The following DPP6 variants were observed in gnomAD, a reference collection of about 807,000 sequenced individuals.
The protein encoded by DPP6 is A-type potassium channel modulatory protein DPP6.
In DPP6, 69 loss-of-function variants were observed where a neutral mutation model predicts 122.6. The ratio of observed to expected loss-of-function variants is 0.56; its 90% CI spans 0.46 to 0.69. The LOEUF (loss-of-function observed/expected upper bound fraction) is 0.69. Among genes scored for constraint, DPP6 ranks in the 30% least tolerant of loss-of-function variants. The probability of loss-of-function intolerance (pLI) is 0.00; values close to 1 mark genes in which losing one functional copy is unlikely to be tolerated. For missense variants in DPP6, 928 were observed against 1,116.9 expected, an observed-to-expected ratio of 0.83 and a Z score of 2.41; for synonymous variants, 418 against 433.1, an observed-to-expected ratio of 0.97 and a Z score of 0.43.
intron 1 of DPP6, among the ~76,000 whole-genome samples, chr7:154,139,731 C>T (rs1334637183): frequency 2.6e-5 from 4 of 152,006 alleles, no homozygotes; most frequent in Admixed American, 6.6e-5. Flanking sequence ...TTTACCCCAT[C>T]AGTTGTACCA....
intron 1 of DPP6, among the ~76,000 whole-genome samples, chr7:154,319,336 G>A (rs4726405): frequency 0.57 from 87,187 of 152,028 alleles, 25,501 homozygotes; most frequent in South Asian, 0.66. Flanking sequence ...CATAATTTCA[G>A]TGTCTAGAAT....
rs1279945736 is a variant in DPP6, at chr7:154,663,164, C to T, written c.681-6196C>T. On this transcript the variant is annotated intron_variant, in intron 6 of 25. Coordinates refer to ENST00000377770, the MANE Select transcript of DPP6 (RefSeq NM_130797.4). ...ACGCAGTCATGGTGAATCACCATGG[C>T]GTATTGGCGGTAGTGTTCATATAGT... Among the ~76,000 whole-genome samples the T allele has an allele frequency of 1.2e-4, 9 of 74,024 alleles. 3 individuals carry two copies. The highest frequency in any genetic ancestry group is 3.2e-4 in the African/African-American group (9 of 27,900). The allele number at this position is 74,024 out of a possible 152,430, so 48.6% of individuals were successfully genotyped here.
Position 154,872,612 on chromosome 7 carries a change from G to C in DPP6, c.1814-12G>C, listed in dbSNP as rs773901461. On this transcript the variant is annotated splice_polypyrimidine_tract_variant and intron_variant, in intron 18 of 25. Coordinates refer to ENST00000377770, the MANE Select transcript of DPP6 (RefSeq NM_130797.4). ...TGCCCCCTAACCCGTGCTGTGCTCT[G>C]CTTCTCCCCAGACCTGCCCATGCAG... The C allele has an allele frequency of 1.5e-5, 24 of 1,593,642 alleles. No individual in the cohort carries two copies. The highest frequency in any genetic ancestry group is 2.0e-5 in the Non-Finnish European group (23 of 1,170,428).
chr7:154,790,779 C>T lies in DPP6; in HGVS notation c.1137-3300C>T, dbSNP rs911897493. 2.6e-4 allele frequency among the ~76,000 whole-genome samples: 35 copies of T among 135,196 alleles called. 1 individual carries two copies. The Admixed American group carries it at 2.8e-3, about 11-fold the overall frequency. 88.7% of individuals were successfully genotyped at this position (135,196 alleles called of 152,430 possible). ...TTATATTTTTCCTCAGTGCAACAGCCTCATATTACAAACTAAGAGAAGGGA... is the reference window on the plus strand; with the variant it reads ...TTATATTTTTCCTCAGTGCAACAGCTTCATATTACAAACTAAGAGAAGGGA... On this transcript the variant is annotated intron_variant, in intron 10 of 25. Transcript: ENST00000377770.
chr7:154,369,843 C>T (rs917757131), intron 1 of DPP6, among the ~76,000 whole-genome samples: 4 of 152,222 alleles, frequency 2.6e-5, no homozygotes, highest in Admixed American at 6.5e-5. Context: ...CTAAATTTTA[C>T]AAACCATAAT....
chr7:154,581,292 G>A (rs1024230264), intron 5 of DPP6, among the ~76,000 whole-genome samples: 4 of 152,178 alleles, frequency 2.6e-5, no homozygotes, highest in African/African-American at 7.2e-5. Flanking sequence ...AGAAGGGGCC[G>A]TGAAGAGATG....
chr7:154,818,211 C>T (rs576742709), intron 16 of DPP6, among the ~76,000 whole-genome samples: 4 of 152,222 alleles, frequency 2.6e-5, no homozygotes, highest in Admixed American at 2.0e-4. Context: ...GATTGAGACT[C>T]GGTTACCTGA....
intron 5 of DPP6, among the ~76,000 whole-genome samples, chr7:154,605,597 G>T (rs1833561649): frequency 8.4e-6 from 1 of 118,780 alleles, no homozygotes; most frequent in Non-Finnish European, 1.9e-5. Flanking sequence ...TCCCTTTTCT[G>T]TTTTGATCTT....
chr7:153,892,125 A>G (rs188234190), intron 1 of DPP6, among the ~76,000 whole-genome samples: 339 of 152,332 alleles, frequency 2.2e-3, no homozygotes, highest in African/African-American at 7.4e-3. Context: ...TATGTTGGAT[A>G]AAACATCTGA....
intron 25 of DPP6, chr7:154,890,352 C>T (rs889685714): frequency 1.3e-5 from 2 of 152,274 alleles, no homozygotes; most frequent in African/African-American, 4.8e-5. Context: ...GGAGGGACCA[C>T]CTGTGGGCTT....
intron 1 of DPP6, among the ~76,000 whole-genome samples, chr7:154,369,454 C>CTA (rs1812458010): frequency 6.6e-6 from 1 of 151,958 alleles, no homozygotes. Flanking sequence ...TGCAACCTTC[C>CTA]GCCTCCTGGG....
intron 1 of DPP6, among the ~76,000 whole-genome samples, chr7:154,305,965 C>T (rs367899518): frequency 6.6e-6 from 1 of 152,168 alleles, no homozygotes; most frequent in Admixed American, 6.5e-5. Flanking sequence ...TAGCCAGAAA[C>T]ATCAGCGTAT....
intron 5 of DPP6, among the ~76,000 whole-genome samples, chr7:154,612,208 T>G (rs1833954480): frequency 6.6e-6 from 1 of 152,118 alleles, no homozygotes; most frequent in Admixed American, 6.6e-5. Context: ...TTACTGAGAC[T>G]GTGATATCCT....
chr7:154,835,982 C>T (rs188266939), intron 16 of DPP6, among the ~76,000 whole-genome samples: 6 of 152,252 alleles, frequency 3.9e-5, no homozygotes, highest in Admixed American at 6.5e-5. Flanking sequence ...GATTTTAAAG[C>T]GGTTTGTGTC....
intron 1 of DPP6, among the ~76,000 whole-genome samples, chr7:154,326,922 C>T (rs1808493137): frequency 6.6e-6 from 1 of 152,114 alleles, no homozygotes; most frequent in African/African-American, 2.4e-5. Context: ...GTCTTGTTAG[C>T]CTGGAAATAG....
chr7:153,902,378 C>T (rs775221876), intron 1 of DPP6, among the ~76,000 whole-genome samples: 3 of 152,122 alleles, frequency 2.0e-5, no homozygotes, highest in Non-Finnish European at 4.4e-5. Context: ...AAGTGTCCAC[C>T]GATGTTAGGC....
chr7:153,885,026 GTCT>G (rs1798858039), upstream of DPP6, among the ~76,000 whole-genome samples: 1 of 124,192 alleles, frequency 8.1e-6, no homozygotes, highest in Non-Finnish European at 1.6e-5. Context: ...ATATATGTTT[GTCT>G]TCTTGATTTT....
intron 1 of DPP6, among the ~76,000 whole-genome samples, chr7:153,890,683 CTTTTTT>C (rs34345128): frequency 3.7e-5 from 3 of 81,990 alleles, no homozygotes; most frequent in African/African-American, 1.1e-4. Flanking sequence ...CAGTTTAGAA[CTTTTTT>C]TTTTTTTTTT....
chr7:154,831,874 A>G (rs954018544), intron 16 of DPP6, among the ~76,000 whole-genome samples: 2 of 152,202 alleles, frequency 1.3e-5, no homozygotes, highest in Non-Finnish European at 2.9e-5. Context: ...GTAGGAACTG[A>G]GCTGTGTATA....
Sources: gnomAD v4.1 joint callset for allele counts (sites outside exome capture counted in the v4.1 genomes callset) on GRCh38, gnomAD v4.1.1 for gene constraint, MANE v1.5 for transcripts, NCBI Gene and HGNC (gene_info 2026-07-23, HGNC 2026-07-21) for gene names.